The following TMEM237 variants were observed in gnomAD, a reference collection of about 807,000 sequenced individuals.
TMEM237 encodes the protein transmembrane protein 237.
A neutral mutation model predicts 59.1 loss-of-function variants in TMEM237; 51 were observed. That is an observed-to-expected ratio of 0.86 (90% CI 0.69 to 1.09). The LOEUF (loss-of-function observed/expected upper bound fraction) is 1.09, where lower values mean the gene tolerates loss of function less well. TMEM237 is among the 50% of genes least tolerant of loss of function. The pLI is 0.00. For missense variants in TMEM237, 475 were observed against 478.3 expected, an observed-to-expected ratio of 0.99 and a Z score of 0.06; for synonymous variants, 140 against 166.1, an observed-to-expected ratio of 0.84 and a Z score of 1.21.
In TMEM237 at chr2:201,643,288, ACCCACC is replaced by A; in HGVS notation, c.42+65_42+70del. On this transcript the variant is annotated intron_variant, in intron 1 of 12. Transcript: ENST00000409883. This position sits in a 1 kb window ranked among gnomAD's most constrained non-coding sequence, Gnocchi z 4.3. ...AGCTCGTTGGCGCCCCCCCACACAC[ACCCACC>A]CCCACTGCCAAGTGTAGCTGTTTAC... The A allele has an allele frequency of 2.7e-6, 3 of 1,098,206 alleles. No homozygotes were observed. The highest frequency in any genetic ancestry group is 3.9e-6 in the Non-Finnish European group (3 of 762,940). The allele number at this position is 1,098,206 out of a possible 1,614,324, so 68.0% of individuals were successfully genotyped here. A position where few individuals can be genotyped will look rare whatever the true frequency, so the allele number is the denominator to read the frequency against.
intron 1 of TMEM237, among the ~76,000 whole-genome samples, chr2:201,641,594 CAA>C (rs758398534): frequency 1.3e-3 from 191 of 151,072 alleles, no homozygotes; most frequent in Non-Finnish European, 2.2e-3. Flanking sequence ...GTATTAGAAA[CAA>C]TGTTAAAAAT....
chr2:201,632,451 T>G (rs1957816139), intron 6 of TMEM237, among the ~76,000 whole-genome samples: 1 of 152,210 alleles, frequency 6.6e-6, no homozygotes, highest in South Asian at 2.1e-4. Context: ...TCTTTCCAAA[T>G]TTAAAACTGT....
chr2:201,627,445 AT>A, intron 10 of TMEM237, 31 bp from the exon 11 acceptor site: 2 of 1,385,652 alleles, frequency 1.4e-6, no homozygotes, highest in Non-Finnish European at 2.0e-6. Context: ...ATTACTAATA[AT>A]TTTTAACAAC....
rs1274569461 is a variant in TMEM237 at position 201,640,273 on chromosome 2, G to A, written c.75-8C>T. 1.2e-5 allele frequency: 19 copies of A among 1,547,392 alleles called. No homozygotes were observed. The highest frequency in any genetic ancestry group is 9.6e-5 in the East Asian group (4 of 41,844). On this transcript the variant is annotated splice_polypyrimidine_tract_variant and splice_region_variant and intron_variant, in intron 2 of 12. Transcript: ENST00000409883. ...TAAACTAACTCACCTTGACTAACAC[G>A]TCATATAACACCAAACAAATTTAAT...
At position 201,624,293 on chromosome 2, in the gene TMEM237, A is replaced by G. The variant is rs1267560315; in HGVS notation, c.1189T>C (p.Tyr397His). 1 of 1,612,534 alleles carries G rather than the reference A, an allele frequency of 6.2e-7. No individual in the cohort carries two copies. Among genetic ancestry groups the G allele is most frequent in the Non-Finnish European group, 8.5e-7 (1 of 1,179,106 alleles). Residue 397 changes from tyrosine (Y) to histidine (H), a missense_variant, in exon 13 of 13, where the codon TAT becomes CAT. Coordinates refer to ENST00000409883, the MANE Select transcript of TMEM237 (RefSeq NM_001044385.3). ...ELMFSSEVEEYPDKEKEIKAS... is the reference protein window; with the variant it reads ...ELMFSSEVEEHPDKEKEIKAS... ...TTGATTTCTTTCTCTTTATCAGGAT[A>G]TTCTTCCACCTCTGAGGAGAACATT...
At chr2:201,629,468 A>G (rs1027258417) in intron 8 of TMEM237, 47 bp from the exon 9 acceptor site, 1 of 1,452,092 alleles carries the variant, frequency 6.9e-7, no homozygotes, top group African/African-American at 1.4e-5. Flanking sequence ...ACTAAAGTAA[A>G]AAGCTAAAAC....
At position 201,623,311 on chromosome 2, in the gene TMEM237, C is replaced by G. The variant is rs1476122034; in HGVS notation, c.*944G>C. On this transcript the variant is annotated 3_prime_UTR_variant, in exon 13 of 13. Transcript: ENST00000409883. ...TTGAGCTTTAGGGTCTCATATACAACAGCTGAGGTACCATTGGATATAGTT... is the reference window on the plus strand; with the variant it reads ...TTGAGCTTTAGGGTCTCATATACAAGAGCTGAGGTACCATTGGATATAGTT... 2.8e-6 allele frequency: 1 copy of G among 362,936 alleles called. No homozygotes were observed. The highest frequency in any genetic ancestry group is 2.1e-5 in the African/African-American group (1 of 47,978). The allele number at this position is 362,936 out of a possible 1,614,324, so 22.5% of individuals were successfully genotyped here.
Position 201,636,780 on chromosome 2 carries a change from T to C in TMEM237, c.242A>G (p.Gln81Arg). The change falls in exon 5 of 13, where the codon CAA becomes CGA. Residue 81 changes from glutamine (Q) to arginine (R), a missense_variant. Coordinates refer to ENST00000409883, the MANE Select transcript of TMEM237 (RefSeq NM_001044385.3). ...ELKEHPEAPV[Q>R]RRQKKTRLPL... ...TAGCCTTGTCTTTTTCTGTCTTCTT[T>C]GAACAGGAGCCTCTGGGTGCTCTTT... 6.3e-7 allele frequency: 1 copy of C among 1,584,534 alleles called. No individual in the cohort carries two copies. Among genetic ancestry groups the C allele is most frequent in the Non-Finnish European group, 8.6e-7 (1 of 1,164,268 alleles).
rs564788637 is a variant in TMEM237 at position 201,623,505 on chromosome 2, G to C, written c.*750C>G. ...AAAGGGTACTGCAGATGTCAACTGG[G>C]AGCCCACAAGCTCACAGGTCTCTCC... On this transcript the variant is annotated 3_prime_UTR_variant, in exon 13 of 13. Transcript: ENST00000409883. 6.4e-6 allele frequency: 1 copy of C among 156,104 alleles called. No individual in the cohort carries two copies. Among genetic ancestry groups the C allele is most frequent in the African/African-American group, 2.4e-5 (1 of 41,712 alleles). The allele number at this position is 156,104 out of a possible 1,614,324, so 9.7% of individuals were successfully genotyped here. A position where few individuals can be genotyped will look rare whatever the true frequency, so the allele number is the denominator to read the frequency against.
Position 201,632,634 on chromosome 2 carries a change from C to T in TMEM237, c.396-426G>A, listed in dbSNP as rs143446834. Reference sequence around the variant, plus strand: ...TCACTCAGCTCTAATTCTTCTCCTTCCTGCTGCCCTGTGAAGAAGGGTGTG... The same window carrying T: ...TCACTCAGCTCTAATTCTTCTCCTTTCTGCTGCCCTGTGAAGAAGGGTGTG... On this transcript the variant is annotated intron_variant, in intron 6 of 12. Coordinates refer to ENST00000409883, the MANE Select transcript of TMEM237 (RefSeq NM_001044385.3). Among the ~76,000 whole-genome samples, 35 of 152,324 alleles carry T rather than the reference C, an allele frequency of 2.3e-4. No homozygotes were observed. The East Asian group carries it at 6.6e-3, about 29-fold the overall frequency.
Position 201,643,434 on chromosome 2 carries a change from C to G in TMEM237, c.-34G>C. 1 of 1,476,354 alleles carries G rather than the reference C, an allele frequency of 6.8e-7. No homozygotes were observed. The highest frequency in any genetic ancestry group is 2.0e-4 in the Middle Eastern group (1 of 5,094). The allele number at this position is 1,476,354 out of a possible 1,614,324, so 91.5% of individuals were successfully genotyped here. On this transcript the variant is annotated 5_prime_UTR_variant, in exon 1 of 13. Transcript: ENST00000409883. This position sits in a 1 kb window ranked among gnomAD's most constrained non-coding sequence, Gnocchi z 4.3. Reference sequence around the variant, plus strand: ...CCCCGCGGGGCTGCCCCGGCGCAACCGCCGGCGGCCCGAGCCCAGCTCCCC... The same window carrying G: ...CCCCGCGGGGCTGCCCCGGCGCAACGGCCGGCGGCCCGAGCCCAGCTCCCC...
rs886055446 is a variant in TMEM237, at chr2:201,623,972, T to G, written c.*283A>C. On this transcript the variant is annotated 3_prime_UTR_variant, in exon 13 of 13. Transcript: ENST00000409883. ...AACCAGTGCTTTTTAAGGTAATAGTTATAAATACAACTGTTTTGAGAAAAT... is the reference window on the plus strand; with the variant it reads ...AACCAGTGCTTTTTAAGGTAATAGTGATAAATACAACTGTTTTGAGAAAAT... The G allele has an allele frequency of 4.0e-6, 1 of 248,608 alleles. No homozygotes were observed. Among genetic ancestry groups the G allele is most frequent in the Non-Finnish European group, 7.7e-6 (1 of 130,612 alleles). 15.4% of individuals were successfully genotyped at this position (248,608 alleles called of 1,614,324 possible). A position where few individuals can be genotyped will look rare whatever the true frequency, so the allele number is the denominator to read the frequency against.
At chr2:201,629,670 C>A (rs1455609889) in intron 8 of TMEM237, 59 bp downstream of exon 8, 27 of 1,558,932 alleles carry the variant, frequency 1.7e-5, no homozygotes, top group Non-Finnish European at 2.2e-5. Flanking sequence ...TTATTTTTTT[C>A]TTTAATTACA....
chr2:201,643,073 C>CCGGGCCT lies in TMEM237; in HGVS notation c.42+279_42+285dup. 1 of 1,132,942 alleles carries CCGGGCCT rather than the reference C, an allele frequency of 8.8e-7. No homozygotes were observed. Among genetic ancestry groups the CCGGGCCT allele is most frequent in the Non-Finnish European group, 1.2e-6 (1 of 863,274 alleles). 70.2% of individuals were successfully genotyped at this position (1,132,942 alleles called of 1,614,324 possible). ...TGGAAGCCCCGGCACCCGCCGGGCC[C>CCGGGCCT]CGGGCCTCAGATGAGTGAGGCGTCG... is the stretch of plus-strand genomic sequence containing the variant. On this transcript the variant is annotated intron_variant, in intron 1 of 12. Coordinates refer to ENST00000409883, the MANE Select transcript of TMEM237 (RefSeq NM_001044385.3). The surrounding 1 kb of genome is among the most constrained non-coding windows in gnomAD (Gnocchi z 4.3).
In TMEM237 at chr2:201,623,447, T is replaced by G. The variant is rs1272450904; in HGVS notation, c.*808A>C. The stretch of plus-strand genomic sequence containing the variant: ...AACAGAGATGGTGAATTTCTACTCC[T>G]ATTTCTTGTCACTCAGAAAAAAGGG... On this transcript the variant is annotated 3_prime_UTR_variant, in exon 13 of 13. Coordinates refer to ENST00000409883, the MANE Select transcript of TMEM237 (RefSeq NM_001044385.3). 2 of 161,368 alleles carry G rather than the reference T, an allele frequency of 1.2e-5. No individual in the cohort carries two copies. The highest frequency in any genetic ancestry group is 1.8e-4 in the South Asian group (1 of 5,706). 10.0% of individuals were successfully genotyped at this position (161,368 alleles called of 1,614,324 possible). A position where few individuals can be genotyped will look rare whatever the true frequency, so the allele number is the denominator to read the frequency against.
chr2:201,640,768 C>A, intron 2 of TMEM237, 125 bp downstream of exon 2: 1 of 761,666 alleles, frequency 1.3e-6, no homozygotes, highest in Admixed American at 3.2e-5. Flanking sequence ...TTCAGAAAAT[C>A]CCTAAATTTT....
chr2:201,643,445 C>T lies in TMEM237; in HGVS notation c.-45G>A, dbSNP rs377533527. The T allele has an allele frequency of 3.5e-5, 51 of 1,460,932 alleles. No individual in the cohort carries two copies. The East Asian group carries it at 8.7e-4, about 25-fold the overall frequency. 90.5% of individuals were successfully genotyped at this position (1,460,932 alleles called of 1,614,324 possible). A position where few individuals can be genotyped will look rare whatever the true frequency, so the allele number is the denominator to read the frequency against. ...TGCCCCGGCGCAACCGCCGGCGGCC[C>T]GAGCCCAGCTCCCCGCGACGCAGCG... On this transcript the variant is annotated 5_prime_UTR_variant, in exon 1 of 13. Coordinates refer to ENST00000409883, the MANE Select transcript of TMEM237 (RefSeq NM_001044385.3). The surrounding 1 kb of genome is among the most constrained non-coding windows in gnomAD (Gnocchi z 4.3).
intron 1 of TMEM237, 37 bp from the exon 2 acceptor site, chr2:201,640,961 G>T (rs1559590920): frequency 1.9e-6 from 3 of 1,582,546 alleles, no homozygotes; most frequent in Non-Finnish European, 1.7e-6. Flanking sequence ...GTAAGTAAAA[G>T]CCTAGAGCAT....
rs1574579750 is a variant in TMEM237, at chr2:201,629,103, C to T, written c.869+127G>A. ...CAAAAAAGAACAGAAGTAGACTGGC[C>T]TTAAAACTTTTTGAAGTAACATTGA... On this transcript the variant is annotated intron_variant, in intron 9 of 12. Coordinates refer to ENST00000409883, the MANE Select transcript of TMEM237 (RefSeq NM_001044385.3). The T allele has an allele frequency of 1.3e-5, 9 of 695,812 alleles. No individual in the cohort carries two copies. The East Asian group carries it at 2.6e-4, about 20-fold the overall frequency. The allele number at this position is 695,812 out of a possible 1,614,324, so 43.1% of individuals were successfully genotyped here.
Sources: gnomAD v4.1 joint callset for allele counts (sites outside exome capture counted in the v4.1 genomes callset) on GRCh38, gnomAD v4.1.1 for gene constraint, Gnocchi (gnomAD v3.1) non-coding constraint, MANE v1.5 for transcripts, NCBI Gene and HGNC (gene_info 2026-07-23, HGNC 2026-07-21) for gene names.